MAF: variants seen among roughly 807,000 people sequenced by gnomAD.
The protein encoded by MAF is MAF bZIP transcription factor, also known as transcription factor Maf.
Under a neutral mutation model 22.0 loss-of-function variants are expected in MAF, and 10 were observed. The observed-to-expected ratio is 0.45, with a 90% CI of 0.28 to 0.77. The LOEUF (loss-of-function observed/expected upper bound fraction) is 0.77. MAF is among the 30% of genes least tolerant of loss of function. The pLI, the probability that MAF is intolerant of heterozygous loss-of-function variation, is 0.12. For synonymous variants in MAF, 337 were observed against 255.8 expected (o/e 1.32, Z -3.03); for missense variants, 544 against 548.4 (o/e 0.99, Z 0.08).
At chr16:79,343,603 G>C in the MAF span, among the ~76,000 whole-genome samples, 6 of 152,158 alleles carry the variant, frequency 3.9e-5, no homozygotes, top group African/African-American at 1.4e-4. Context: ...CCTTGGCTTA[G>C]AGACATGCCT....
At chr16:79,263,669 G>C in the MAF span, among the ~76,000 whole-genome samples, 4 of 152,148 alleles carry the variant, frequency 2.6e-5, no homozygotes, top group African/African-American at 7.2e-5. Flanking sequence ...CTGTCATTCT[G>C]TGTTTGCATG....
chr16:79,277,717 C>G, the MAF span, among the ~76,000 whole-genome samples: 13 of 152,300 alleles, frequency 8.5e-5, no homozygotes, highest in Admixed American at 7.8e-4. Flanking sequence ...TACCTAATCC[C>G]CCTGAGCTTC....
the MAF span, among the ~76,000 whole-genome samples, chr16:79,300,187 G>T: frequency 6.6e-6 from 1 of 152,208 alleles, no homozygotes; most frequent in African/African-American, 2.4e-5. Flanking sequence ...AGCTAGATAG[G>T]TGTATGGAAT....
At chr16:79,298,300 A>G in the MAF span, among the ~76,000 whole-genome samples, 1 of 152,230 alleles carries the variant, frequency 6.6e-6, no homozygotes, top group Admixed American at 6.5e-5. Context: ...CTGCCTGTAC[A>G]AACCAGGTGT....
At chr16:79,278,345 C>G in the MAF span, among the ~76,000 whole-genome samples, 1 of 152,234 alleles carries the variant, frequency 6.6e-6, no homozygotes, top group African/African-American at 2.4e-5. Flanking sequence ...TTAAAAACTA[C>G]AGGTTTAAAA....
At chr16:79,337,861 G>T in the MAF span, among the ~76,000 whole-genome samples, 1 of 152,290 alleles carries the variant, frequency 6.6e-6, no homozygotes, top group East Asian at 1.9e-4. Context: ...CCAAGTAAAT[G>T]GAATCGTGGC....
chr16:79,370,444 C>T, the MAF span, among the ~76,000 whole-genome samples: 3 of 152,180 alleles, frequency 2.0e-5, no homozygotes, highest in Non-Finnish European at 4.4e-5. Context: ...TCTCAGCCTT[C>T]CCACAGTTAA....
At chr16:79,248,412 G>A in the MAF span, among the ~76,000 whole-genome samples, 79 of 152,120 alleles carry the variant, frequency 5.2e-4, 1 homozygote, top group African/African-American at 1.6e-3. Context: ...TGATGCCCCT[G>A]GTTTTACAAG....
chr16:79,289,818 T>C, the MAF span, among the ~76,000 whole-genome samples: 1 of 148,224 alleles, frequency 6.7e-6, no homozygotes, highest in East Asian at 2.0e-4. Flanking sequence ...GGCTGTCCCC[T>C]CAGGGATGAA....
the MAF span, among the ~76,000 whole-genome samples, chr16:79,222,599 C>G: frequency 6.6e-6 from 1 of 152,052 alleles, no homozygotes; most frequent in Non-Finnish European, 1.5e-5. Flanking sequence ...GATAAAGAGT[C>G]AAGACCCATC....
chr16:79,330,438 C>T, the MAF span, among the ~76,000 whole-genome samples: 1 of 152,128 alleles, frequency 6.6e-6, no homozygotes, highest in African/African-American at 2.4e-5. Context: ...TCCAGGCCCA[C>T]CTTTGAGCAG....
chr16:79,557,864 A>G, the MAF span, among the ~76,000 whole-genome samples: 3 of 151,854 alleles, frequency 2.0e-5, no homozygotes, highest in African/African-American at 7.3e-5. Flanking sequence ...TGTGGGTGCT[A>G]AAGGTCCTTA....
At chr16:79,375,088 T>C in the MAF span, among the ~76,000 whole-genome samples, 1 of 152,200 alleles carries the variant, frequency 6.6e-6, no homozygotes, top group Non-Finnish European at 1.5e-5. Flanking sequence ...ATTTGTAGAA[T>C]GGATGGAGGA....
chr16:79,235,897 C>G, the MAF span, among the ~76,000 whole-genome samples: 6 of 151,986 alleles, frequency 3.9e-5, no homozygotes, highest in African/African-American at 4.8e-5. Flanking sequence ...CAAGAAGCAT[C>G]CTCTCCCATC....
chr16:79,266,894 A>G, the MAF span, among the ~76,000 whole-genome samples: 1 of 152,198 alleles, frequency 6.6e-6, no homozygotes, highest in Non-Finnish European at 1.5e-5. Flanking sequence ...TTCACAGGGT[A>G]TCATGGTAAT....
chr16:79,278,266 A>G, the MAF span, among the ~76,000 whole-genome samples: 13 of 152,232 alleles, frequency 8.5e-5, no homozygotes, highest in Non-Finnish European at 1.3e-4. Flanking sequence ...GGGAAAGTGA[A>G]TCTTTAGCAA....
At chr16:79,560,428 A>AT in the MAF span, among the ~76,000 whole-genome samples, 1 of 152,104 alleles carries the variant, frequency 6.6e-6, no homozygotes, top group Admixed American at 6.5e-5. Context: ...GCTGAAAAAA[A>AT]AAAAACCTGA....
At chr16:79,586,809 T>C (rs1912871268) in intron 1 of MAF, among the ~76,000 whole-genome samples, 4 of 152,322 alleles carry the variant, frequency 2.6e-5, no homozygotes, top group South Asian at 2.1e-4. Context: ...GTTCGGACTG[T>C]CAAAATATAT....
the MAF span, among the ~76,000 whole-genome samples, chr16:79,250,395 A>G: frequency 0.12 from 18,680 of 152,298 alleles, 1,422 homozygotes; most frequent in Middle Eastern, 0.19. Context: ...GCTGTCTCCA[A>G]TTCCCAAAGA....
Sources: gnomAD v4.1 joint callset for allele counts (sites outside exome capture counted in the v4.1 genomes callset) on GRCh38, gnomAD v4.1.1 for gene constraint, MANE v1.5 for transcripts, NCBI Gene and HGNC (gene_info 2026-07-23, HGNC 2026-07-21) for gene names.